TMEM132D: variants seen among roughly 807,000 people sequenced by gnomAD.
TMEM132D encodes transmembrane protein 132D, also known as mature OL transmembrane protein.
TMEM132D carries 21 observed loss-of-function variants against 62.3 expected under a neutral mutation model. The ratio of observed to expected loss-of-function variants is 0.34; its 90% confidence interval spans 0.24 to 0.49. The LOEUF is 0.49. Ranked by LOEUF, TMEM132D falls within the 20% of genes least tolerant of loss-of-function variation. TMEM132D has a pLI of 0.99. For missense variants in TMEM132D, 1,346 were observed against 1,402.8 expected (o/e 0.96, Z 0.65); for synonymous variants, 621 against 575.6 (o/e 1.08, Z -1.13).
intron 1 of TMEM132D, among the ~76,000 whole-genome samples, chr12:129,761,775 G>T (rs10773700): frequency 0.26 from 39,695 of 151,958 alleles, 5,255 homozygotes; most frequent in South Asian, 0.41. Context: ...AACTTCTGTT[G>T]GAAGCTACAA....
At chr12:129,517,506 A>G (rs1030488779) in intron 3 of TMEM132D, among the ~76,000 whole-genome samples, 1 of 152,162 alleles carries the variant, frequency 6.6e-6, no homozygotes, top group Non-Finnish European at 1.5e-5. Context: ...AGGGCCATTC[A>G]GTGGGGAAGA....
In TMEM132D at chr12:129,713,220, T is replaced by A. The variant is rs532100836; in HGVS notation, c.80-12522A>T. On this transcript the variant is annotated intron_variant, in intron 1 of 8. Coordinates refer to ENST00000422113, the MANE Select transcript of TMEM132D (RefSeq NM_133448.3). ...GGCCCAACCTCCAAAATATTTGCTT[T>A]AACAATATCCCAAGAGTCTGATATG... is the stretch of plus-strand genomic sequence containing the variant. 1.1e-4 allele frequency among the ~76,000 whole-genome samples: 17 copies of A among 152,224 alleles called. No individual in the cohort carries two copies. In the East Asian group the frequency reaches 2.5e-3, roughly 23 times the overall value.
chr12:129,497,356 C>T (rs2137064541), intron 3 of TMEM132D, among the ~76,000 whole-genome samples: 1 of 152,184 alleles, frequency 6.6e-6, no homozygotes, highest in East Asian at 1.9e-4. Context: ...TGCCTGTATT[C>T]CTCTGAATTC....
At chr12:129,380,336 A>T (rs1317898933) in intron 3 of TMEM132D, among the ~76,000 whole-genome samples, 2 of 152,218 alleles carry the variant, frequency 1.3e-5, no homozygotes, top group African/African-American at 4.8e-5. Context: ...CAAAGTCTCC[A>T]CTTTCATCAT....
At chr12:129,432,352 T>C (rs1872687951) in intron 3 of TMEM132D, among the ~76,000 whole-genome samples, 1 of 149,050 alleles carries the variant, frequency 6.7e-6, no homozygotes, top group Non-Finnish European at 1.5e-5. Flanking sequence ...GATGGATGAA[T>C]GGATGGATGG....
At chr12:129,548,118 C>T (rs144075579) in intron 2 of TMEM132D, among the ~76,000 whole-genome samples, 3 of 152,272 alleles carry the variant, frequency 2.0e-5, no homozygotes, top group East Asian at 1.9e-4. Flanking sequence ...ATTTAGTTGT[C>T]GCTTAATCAC....
At position 129,867,968 on chromosome 12, in the gene TMEM132D, G is replaced by A. The variant is rs139093090; in HGVS notation, c.79+35293C>T. 2.4e-4 allele frequency among the ~76,000 whole-genome samples: 36 copies of A among 152,244 alleles called. No homozygotes were observed. Among genetic ancestry groups the A allele is most frequent in the African/African-American group, 8.2e-4 (34 of 41,534 alleles). On this transcript the variant is annotated intron_variant, in intron 1 of 8. Coordinates refer to ENST00000422113, the MANE Select transcript of TMEM132D (RefSeq NM_133448.3). This position sits in a 1 kb window ranked among gnomAD's most constrained non-coding sequence, Gnocchi z 4.5. ...GAGGCAGTGTTTCTATGGTACACAT[G>A]AGACAGCATTTGTACGGTACACACA...
intron 5 of TMEM132D, among the ~76,000 whole-genome samples, chr12:129,155,024 G>A (rs2135537872): frequency 6.6e-6 from 1 of 152,396 alleles, no homozygotes; most frequent in South Asian, 2.1e-4. Context: ...CGTGAAGTCA[G>A]CCAGCATTTC....
At chr12:129,301,973 TA>T (rs564199779) in intron 4 of TMEM132D, among the ~76,000 whole-genome samples, 1,567 of 147,850 alleles carry the variant, frequency 0.011, 22 homozygotes, top group African/African-American at 0.035. Flanking sequence ...ATCTTTTCTT[TA>T]AAAAAAAAAA....
intron 3 of TMEM132D, among the ~76,000 whole-genome samples, chr12:129,524,343 G>A (rs1412347045): frequency 6.6e-6 from 1 of 152,044 alleles, no homozygotes; most frequent in Non-Finnish European, 1.5e-5. Context: ...ACACATTGCT[G>A]GGGGGTTCTC....
rs564196000 is a variant in TMEM132D, at chr12:129,576,289, C to T, written c.969-45084G>A. 2.2e-4 allele frequency among the ~76,000 whole-genome samples: 33 copies of T among 151,854 alleles called. No individual in the cohort carries two copies. In the South Asian group the frequency reaches 6.6e-3, roughly 31 times the overall value. On this transcript the variant is annotated intron_variant, in intron 2 of 8. Coordinates refer to ENST00000422113, the MANE Select transcript of TMEM132D (RefSeq NM_133448.3). Reference sequence around the variant, plus strand: ...TTAAGTGTTGCTTGGGTTTTTCTTACTATAACGTTTTACAATTAATAATTA... The same window carrying T: ...TTAAGTGTTGCTTGGGTTTTTCTTATTATAACGTTTTACAATTAATAATTA...
At chr12:129,344,046 A>C (rs1869603947) in intron 3 of TMEM132D, among the ~76,000 whole-genome samples, 1 of 152,224 alleles carries the variant, frequency 6.6e-6, no homozygotes, top group Non-Finnish European at 1.5e-5. Flanking sequence ...CATATATACA[A>C]GCATTGTTCC....
chr12:129,551,931 C>T (rs1876908843), intron 2 of TMEM132D, among the ~76,000 whole-genome samples: 2 of 152,146 alleles, frequency 1.3e-5, no homozygotes, highest in African/African-American at 2.4e-5. Flanking sequence ...AGGGATATAT[C>T]ACTGGGAATA....
intron 1 of TMEM132D, among the ~76,000 whole-genome samples, chr12:129,795,489 T>C (rs1464390798): frequency 6.6e-6 from 1 of 152,216 alleles, no homozygotes; most frequent in African/African-American, 2.4e-5. Flanking sequence ...AAAACAGTAT[T>C]TCGTGGTGCC....
At chr12:129,825,334 G>A (rs965995472) in intron 1 of TMEM132D, among the ~76,000 whole-genome samples, 12 of 151,942 alleles carry the variant, frequency 7.9e-5, no homozygotes, top group Non-Finnish European at 1.5e-4. Flanking sequence ...ACTTTCTTCC[G>A]TGTCTCCCTG....
chr12:129,363,699 G>A (rs746068544), intron 3 of TMEM132D, among the ~76,000 whole-genome samples: 9 of 152,140 alleles, frequency 5.9e-5, no homozygotes, highest in Admixed American at 1.3e-4. Flanking sequence ...ATTGTGTTTC[G>A]GCCTTCAAGT....
intron 5 of TMEM132D, among the ~76,000 whole-genome samples, chr12:129,203,919 G>A (rs913830756): frequency 1.3e-5 from 2 of 152,140 alleles, no homozygotes; most frequent in African/African-American, 2.4e-5. Flanking sequence ...ATCAGAGGGG[G>A]CTCCTCAGAG....
intron 1 of TMEM132D, among the ~76,000 whole-genome samples, chr12:129,713,242 T>C (rs1490110040): frequency 2.6e-5 from 4 of 152,152 alleles, no homozygotes; most frequent in Non-Finnish European, 5.9e-5. Context: ...AAGAGTCTGA[T>C]ATGTGCTCAA....
intron 1 of TMEM132D, among the ~76,000 whole-genome samples, chr12:129,753,261 G>A (rs765790798): frequency 3.9e-5 from 6 of 152,256 alleles, no homozygotes; most frequent in Non-Finnish European, 8.8e-5. Flanking sequence ...CCTCATGGGC[G>A]ATATTCTTCA....
Sources: gnomAD v4.1 joint callset for allele counts (sites outside exome capture counted in the v4.1 genomes callset) on GRCh38, gnomAD v4.1.1 for gene constraint, Gnocchi (gnomAD v3.1) non-coding constraint, MANE v1.5 for transcripts, NCBI Gene and HGNC (gene_info 2026-07-23, HGNC 2026-07-21) for gene names.